Variants in ARHGEF3 observed in about 807,000 individuals in gnomAD.
ARHGEF3 encodes 59.8 kDA protein.
In ARHGEF3, 28 loss-of-function variants were observed where a neutral mutation model predicts 63.2. The ratio of observed to expected loss-of-function variants is 0.44; its 90% CI spans 0.33 to 0.61. ARHGEF3 has a LOEUF of 0.61. ARHGEF3 is among the 20% of genes least tolerant of loss of function. ARHGEF3 has a pLI of 0.03. For synonymous variants in ARHGEF3, 266 were observed against 254.2 expected, an observed-to-expected ratio of 1.05 and a Z score of -0.44; for missense variants, 533 against 659.3, an observed-to-expected ratio of 0.81 and a Z score of 2.10.
At chr3:56,828,490 C>A (rs777888270) in intron 4 of ARHGEF3, among the ~76,000 whole-genome samples, 7 of 152,030 alleles carry the variant, frequency 4.6e-5, no homozygotes, top group Non-Finnish European at 8.8e-5. Context: ...GCCAAGACTG[C>A]GCCACTGGAC....
intron 4 of ARHGEF3, among the ~76,000 whole-genome samples, chr3:56,853,737 T>A (rs1030758928): frequency 6.6e-6 from 1 of 152,198 alleles, no homozygotes; most frequent in Non-Finnish European, 1.5e-5. Context: ...GCTCATTCCT[T>A]CCCTTCCTTT....
At chr3:56,893,802 ACT>A (rs1299234597) in intron 3 of ARHGEF3, among the ~76,000 whole-genome samples, 3 of 112,352 alleles carry the variant, frequency 2.7e-5, no homozygotes, top group African/African-American at 1.1e-4. Flanking sequence ...CAAGAACAAG[ACT>A]CTGTCTCAAA....
Position 56,977,153 on chromosome 3 carries a change from A to G in ARHGEF3, c.63-18264T>C, listed in dbSNP as rs528843552. ...CTAAAGGGTAAGGCCAGACAGTCCA[A>G]TTCCAGGATCCTGCCCCAGAGCTCC... On this transcript the variant is annotated intron_variant, in intron 2 of 12. Transcript: ENST00000338458. The G allele has an allele frequency of 4.0e-4, 175 of 437,282 alleles. 2 individuals are homozygous for G. Among genetic ancestry groups the G allele is most frequent in the South Asian group, 2.8e-3 (166 of 59,262 alleles). 27.1% of individuals were successfully genotyped at this position (437,282 alleles called of 1,614,324 possible). A position where few individuals can be genotyped will look rare whatever the true frequency, so the allele number is the denominator to read the frequency against.
rs951647622 is a variant in ARHGEF3, at chr3:56,732,026, A to C, written c.1228+212T>G. ...CTTACTAAATCCTTATAACAATCTT[A>C]TGAAGGAGGTACCTATGCATTTCCA... is the stretch of plus-strand genomic sequence containing the variant. On this transcript the variant is annotated intron_variant, in intron 9 of 9. Transcript: ENST00000296315. The C allele has an allele frequency of 9.4e-5, 58 of 618,030 alleles. No homozygotes were observed. In the East Asian group the frequency reaches 1.6e-3, roughly 17 times the overall value. 38.3% of individuals were successfully genotyped at this position (618,030 alleles called of 1,614,324 possible).
At chr3:56,753,626 A>G in intron 3 of ARHGEF3, 60 bp from the exon 4 acceptor site, 1 of 1,491,378 alleles carries the variant, frequency 6.7e-7, no homozygotes, top group African/African-American at 1.4e-5. Flanking sequence ...ACCATATTCA[A>G]ATAGTGCTGG....
chr3:56,909,586 T>C (rs6445837), intron 3 of ARHGEF3, among the ~76,000 whole-genome samples: 135,581 of 152,260 alleles, frequency 0.89, 60,655 homozygotes, highest in Non-Finnish European at 0.93. Flanking sequence ...GAAGATAAGA[T>C]GAAACAATCC....
intron 2 of ARHGEF3, among the ~76,000 whole-genome samples, chr3:56,998,044 A>T (rs1026086766): frequency 6.6e-6 from 1 of 152,196 alleles, no homozygotes; most frequent in African/African-American, 2.4e-5. Flanking sequence ...TATAATGTAC[A>T]GTTGGGTTTT....
intron 8 of ARHGEF3, among the ~76,000 whole-genome samples, chr3:56,735,428 T>A (rs2033542340): frequency 6.6e-6 from 1 of 152,100 alleles, no homozygotes; most frequent in Non-Finnish European, 1.5e-5. Flanking sequence ...CGTTTACAAC[T>A]CTACCGGGTG....
intron 8 of ARHGEF3, among the ~76,000 whole-genome samples, chr3:56,735,323 T>C (rs2033532354): frequency 6.6e-6 from 1 of 152,060 alleles, no homozygotes; most frequent in Non-Finnish European, 1.5e-5. Flanking sequence ...AACTCATTTA[T>C]GAATGTTCAC....
chr3:56,795,433 A>G (rs1271603656), intron 1 of ARHGEF3, among the ~76,000 whole-genome samples: 1 of 152,180 alleles, frequency 6.6e-6, no homozygotes, highest in African/African-American at 2.4e-5. Context: ...AAGAGCCAGA[A>G]AGAAGAAAAA....
At chr3:56,927,120 T>C (rs2042295824) in intron 3 of ARHGEF3, among the ~76,000 whole-genome samples, 1 of 152,250 alleles carries the variant, frequency 6.6e-6, no homozygotes, top group African/African-American at 2.4e-5. Context: ...ACTTAATGCG[T>C]GACCCCTGAT....
chr3:57,008,280 C>T (rs1208638714), intron 2 of ARHGEF3, among the ~76,000 whole-genome samples: 21 of 152,112 alleles, frequency 1.4e-4, no homozygotes, highest in South Asian at 2.1e-4. Flanking sequence ...TTGGCTCAAC[C>T]GAGAATGAAG....
intron 7 of ARHGEF3, among the ~76,000 whole-genome samples, chr3:56,744,212 G>GCTCC (rs991035547): frequency 2.6e-5 from 4 of 151,842 alleles, no homozygotes; most frequent in Non-Finnish European, 5.9e-5. Flanking sequence ...CAGGCCACCC[G>GCTCC]CTCCCCGTGG....
intron 1 of ARHGEF3, among the ~76,000 whole-genome samples, chr3:56,799,236 A>C (rs2037517718): frequency 6.6e-6 from 1 of 152,174 alleles, no homozygotes; most frequent in Admixed American, 6.5e-5. Context: ...CCTTTTCCTA[A>C]GTGATTTTCC....
At chr3:56,917,583 T>G (rs1223296971) in intron 3 of ARHGEF3, among the ~76,000 whole-genome samples, 1 of 152,086 alleles carries the variant, frequency 6.6e-6, no homozygotes, top group East Asian at 1.9e-4. Context: ...TGCCAGAAAT[T>G]TGCAAAAAGT....
chr3:56,978,003 C>T (rs148553152), intron 2 of ARHGEF3, among the ~76,000 whole-genome samples: 213 of 152,258 alleles, frequency 1.4e-3, no homozygotes, highest in African/African-American at 4.6e-3. Context: ...AAAAAGCAAT[C>T]CTGTCAACAG....
chr3:56,737,010 G>A (rs2033668019), intron 8 of ARHGEF3, among the ~76,000 whole-genome samples, 175 bp downstream of exon 8: 1 of 152,104 alleles, frequency 6.6e-6, no homozygotes, highest in Non-Finnish European at 1.5e-5. Context: ...CACAAGAATT[G>A]CTTGAACCGG....
intron 1 of ARHGEF3, among the ~76,000 whole-genome samples, chr3:56,789,841 G>C (rs1449407527): frequency 2.0e-5 from 3 of 152,222 alleles, no homozygotes; most frequent in African/African-American, 7.2e-5. Context: ...GAACCCTGAG[G>C]CCTACACTTA....
At chr3:56,877,409 C>G (rs1473469094) in intron 4 of ARHGEF3, among the ~76,000 whole-genome samples, 1 of 139,274 alleles carries the variant, frequency 7.2e-6, no homozygotes, top group Non-Finnish European at 1.5e-5. Context: ...GGGTCTTACT[C>G]TGTCACCCAG....
Sources: gnomAD v4.1 joint callset for allele counts (sites outside exome capture counted in the v4.1 genomes callset) on GRCh38, gnomAD v4.1.1 for gene constraint, MANE v1.5 for transcripts, NCBI Gene and HGNC (gene_info 2026-07-23, HGNC 2026-07-21) for gene names.